KAZN: variants seen among roughly 807,000 people sequenced by gnomAD.
KAZN encodes kazrin, periplakin interacting protein.
KAZN carries 40 observed loss-of-function variants against 87.4 expected under a neutral mutation model. The observed-to-expected ratio is 0.46, with a 90% CI of 0.36 to 0.60. KAZN has a LOEUF of 0.60. KAZN is among the 20% of genes least tolerant of loss of function. The probability of loss-of-function intolerance (pLI) is 0.00; values close to 1 mark genes in which losing one functional copy is unlikely to be tolerated. For synonymous variants in KAZN, 466 were observed against 458.3 expected (o/e 1.02, Z -0.22); for missense variants, 898 against 1,073.9 (o/e 0.84, Z 2.29).
intron 1 of KAZN, among the ~76,000 whole-genome samples, chr1:14,782,985 G>A (rs1325222149): frequency 6.6e-6 from 1 of 152,100 alleles, no homozygotes; most frequent in African/African-American, 2.4e-5. Flanking sequence ...TACCAAGGAC[G>A]TAGGTCTCAT....
chr1:14,020,669 A>G (rs1192290686), intron 1 of KAZN, among the ~76,000 whole-genome samples: 1 of 152,212 alleles, frequency 6.6e-6, no homozygotes, highest in Non-Finnish European at 1.5e-5. Flanking sequence ...AAGATAATTC[A>G]CCTTGCTGTG....
At chr1:14,292,441 G>T (rs1571235929) in intron 2 of KAZN, among the ~76,000 whole-genome samples, 1 of 152,310 alleles carries the variant, frequency 6.6e-6, no homozygotes, top group Non-Finnish European at 1.5e-5. Context: ...CAGTAATCAT[G>T]CAGGCTGGGA....
chr1:14,550,660 A>C (rs1163845344), intron 2 of KAZN, among the ~76,000 whole-genome samples: 1 of 151,086 alleles, frequency 6.6e-6, no homozygotes, highest in African/African-American at 2.4e-5. Flanking sequence ...AATTAGCAGC[A>C]GACAAAACCT....
intron 2 of KAZN, among the ~76,000 whole-genome samples, chr1:15,001,870 CTTTTTTTTTTTTT>C (rs34948148): frequency 1.7e-5 from 1 of 57,754 alleles, no homozygotes; most frequent in Non-Finnish European, 3.0e-5. Flanking sequence ...AAGTCAAAAT[CTTTTTTTTTTTTT>C]TTTTTTTTTT....
intron 2 of KAZN, among the ~76,000 whole-genome samples, chr1:14,411,834 A>C (rs1664332940): frequency 6.6e-6 from 1 of 151,990 alleles, no homozygotes; most frequent in Non-Finnish European, 1.5e-5. Flanking sequence ...ACGTAACATA[A>C]AAAGAAAGTC....
intron 1 of KAZN, among the ~76,000 whole-genome samples, chr1:14,046,341 T>A (rs979161532): frequency 2.0e-5 from 3 of 152,200 alleles, no homozygotes; most frequent in Non-Finnish European, 4.4e-5. Flanking sequence ...GGGATGGTGC[T>A]TTTGTGGTTT....
At chr1:14,434,841 C>T (rs1462694406) in intron 2 of KAZN, among the ~76,000 whole-genome samples, 6 of 152,064 alleles carry the variant, frequency 3.9e-5, no homozygotes, top group Non-Finnish European at 2.9e-5. Context: ...TCGGTGGCCT[C>T]CAGCCACTGT....
At chr1:14,800,525 A>G (rs1304454626) in intron 1 of KAZN, among the ~76,000 whole-genome samples, 1 of 152,110 alleles carries the variant, frequency 6.6e-6, no homozygotes, top group Non-Finnish European at 1.5e-5. Flanking sequence ...ACATAGTGAG[A>G]CCCCATCTCT....
At chr1:14,899,795 G>A (rs1655656592) in intron 1 of KAZN, among the ~76,000 whole-genome samples, 1 of 152,052 alleles carries the variant, frequency 6.6e-6, no homozygotes, top group African/African-American at 2.4e-5. Flanking sequence ...GCTCCCTCGG[G>A]GGATGTGAGC....
intron 2 of KAZN, among the ~76,000 whole-genome samples, chr1:14,991,945 G>A (rs1160741988): frequency 3.3e-5 from 5 of 152,172 alleles, no homozygotes; most frequent in Non-Finnish European, 7.4e-5. Context: ...GATATCCCTC[G>A]GTGCTTTCTC....
chr1:14,957,047 G>C (rs1663200377), intron 1 of KAZN, among the ~76,000 whole-genome samples: 1 of 152,198 alleles, frequency 6.6e-6, no homozygotes, highest in South Asian at 2.1e-4. Context: ...AGCAGATGTG[G>C]GCCCTTCCGT....
At chr1:14,600,102 T>A (rs80233724) in intron 1 of KAZN, among the ~76,000 whole-genome samples, 1 of 14,334 alleles carries the variant, frequency 7.0e-5, no homozygotes, top group Non-Finnish European at 3.8e-4. Flanking sequence ...CTTTGGGGGA[T>A]TTTTTTTTTC....
At chr1:14,606,234 C>T (rs1008245812) in intron 1 of KAZN, among the ~76,000 whole-genome samples, 25 of 152,220 alleles carry the variant, frequency 1.6e-4, no homozygotes, top group African/African-American at 6.0e-4. Context: ...TCTGCCCTGC[C>T]TCCTAAGTCA....
intron 8 of KAZN, among the ~76,000 whole-genome samples, chr1:15,070,386 CCCTT>C (rs911826354): frequency 2.0e-5 from 3 of 152,186 alleles, no homozygotes; most frequent in African/African-American, 7.2e-5. Flanking sequence ...CACCAGCTCT[CCCTT>C]CCTCTTCCTG....
intron 10 of KAZN, among the ~76,000 whole-genome samples, chr1:15,098,221 C>A (rs1640883188): frequency 6.6e-6 from 1 of 152,254 alleles, no homozygotes; most frequent in Admixed American, 6.5e-5. Flanking sequence ...TCTAATCCGG[C>A]TCCAGTTCAG....
At chr1:15,026,773 A>G (rs1221917459) in intron 2 of KAZN, among the ~76,000 whole-genome samples, 1 of 152,146 alleles carries the variant, frequency 6.6e-6, no homozygotes, top group Admixed American at 6.6e-5. Flanking sequence ...CACAAGACAT[A>G]TTTCTTATCA....
chr1:14,465,258 G>A (rs1300525119), intron 2 of KAZN, among the ~76,000 whole-genome samples: 1 of 151,988 alleles, frequency 6.6e-6, no homozygotes, highest in Non-Finnish European at 1.5e-5. Flanking sequence ...AATTGGCCAG[G>A]CATGGTGGAG....
intron 1 of KAZN, among the ~76,000 whole-genome samples, chr1:14,122,916 A>G (rs558609354): frequency 1.5e-4 from 23 of 152,294 alleles, no homozygotes; most frequent in African/African-American, 3.8e-4. Context: ...GTCTATGGCT[A>G]CTGCTCTGTG....
At chr1:13,981,903 T>G (rs772664308) in intron 1 of KAZN, among the ~76,000 whole-genome samples, 1 of 152,146 alleles carries the variant, frequency 6.6e-6, no homozygotes, top group South Asian at 2.1e-4. Context: ...TCTTAAACAT[T>G]AGAGGGTGGG....
Sources: allele counts gnomAD v4.1 joint callset (sites outside exome capture counted in the v4.1 genomes callset), GRCh38; gene constraint gnomAD v4.1.1; transcripts MANE v1.5; gene names NCBI Gene and HGNC (gene_info 2026-07-23, HGNC 2026-07-21).